LRRIQ4: variants seen among roughly 807,000 people sequenced by gnomAD.
LRRIQ4 encodes leucine-rich repeat and IQ domain-containing protein 4.
A neutral mutation model predicts 40.1 loss-of-function variants in LRRIQ4; 21 were observed. That is an observed-to-expected ratio of 0.52 (90% CI 0.37 to 0.75). LRRIQ4 has a LOEUF of 0.75. Ranked by LOEUF, LRRIQ4 falls within the 30% of genes least tolerant of loss-of-function variation. The probability of loss-of-function intolerance (pLI) is 0.00; values close to 1 mark genes in which losing one functional copy is unlikely to be tolerated. For synonymous variants in LRRIQ4, 277 were observed against 277.1 expected, an observed-to-expected ratio of 1.00 and a Z score of 0.00; for missense variants, 655 against 660.0, an observed-to-expected ratio of 0.99 and a Z score of 0.08.
chr3:169,832,887 A>C (rs1327053926), intron 4 of LRRIQ4, 100 bp from the exon 5 acceptor site: 1 of 1,038,996 alleles, frequency 9.6e-7, no homozygotes, highest in Non-Finnish European at 1.4e-6. Context: ...TCCCTTTGCA[A>C]ATGCAGAATT....
At chr3:169,825,364 T>G (rs1225227724) in intron 2 of LRRIQ4, among the ~76,000 whole-genome samples, 1 of 152,212 alleles carries the variant, frequency 6.6e-6, no homozygotes, top group Non-Finnish European at 1.5e-5. Context: ...CAAATTGCTA[T>G]GGGGTTTTAA....
intron 2 of LRRIQ4, among the ~76,000 whole-genome samples, chr3:169,828,252 A>C (rs1335935922): frequency 6.7e-6 from 1 of 149,908 alleles, no homozygotes; most frequent in Non-Finnish European, 1.5e-5. Context: ...TTTTTTTTTG[A>C]GACAGATTCT....
intron 4 of LRRIQ4, among the ~76,000 whole-genome samples, chr3:169,831,261 CTTTT>C (rs869088396): frequency 3.0e-5 from 1 of 33,460 alleles, no homozygotes; most frequent in Non-Finnish European, 6.2e-5. Flanking sequence ...TATGGCTATT[CTTTT>C]TTTTTTTTTT....
At position 169,822,797 on chromosome 3, in the gene LRRIQ4, G is replaced by A; in HGVS notation, c.876G>A (p.Leu292=). 2 of 1,613,716 alleles carry A rather than the reference G, an allele frequency of 1.2e-6. No individual in the cohort carries two copies. The highest frequency in any genetic ancestry group is 1.1e-5 in the South Asian group (1 of 91,030). ...TGCTCTACCTGGGAAACACCGGCCT[G>A]CACAGGCTGCGGGGCTCCTTCAGGT... ...LHLLYLGNTG[L]HRLRGSFRCL... The change falls in exon 2 of 6, where the codon CTG becomes CTA. Residue 292 remains leucine, a synonymous_variant. Coordinates refer to ENST00000340806, the MANE Select transcript of LRRIQ4 (RefSeq NM_001080460.3).
chr3:169,829,596 G>C (rs969361996), intron 3 of LRRIQ4, among the ~76,000 whole-genome samples: 3 of 151,668 alleles, frequency 2.0e-5, no homozygotes, highest in African/African-American at 7.3e-5. Flanking sequence ...CCACCTCCCG[G>C]GTTCAAGCGA....
chr3:169,826,519 A>G (rs939271190), intron 2 of LRRIQ4, among the ~76,000 whole-genome samples: 10 of 152,206 alleles, frequency 6.6e-5, no homozygotes, highest in African/African-American at 2.4e-4. Flanking sequence ...TTTTCTATAC[A>G]TCTAGATTTC....
intron 4 of LRRIQ4, 62 bp downstream of exon 4, chr3:169,830,692 A>G: frequency 1.3e-6 from 2 of 1,594,032 alleles, no homozygotes; most frequent in South Asian, 2.2e-5. Flanking sequence ...CCTATGGCAA[A>G]TGGCTTCCTT....
chr3:169,821,126 G>A (rs1012920385), intron 1 of LRRIQ4, among the ~76,000 whole-genome samples: 1 of 152,192 alleles, frequency 6.6e-6, no homozygotes, highest in Admixed American at 6.5e-5. Context: ...TTTAGAAAAG[G>A]TTGGTGCATC....
chr3:169,821,438 C>A (rs989903803), intron 1 of LRRIQ4, among the ~76,000 whole-genome samples: 20 of 151,942 alleles, frequency 1.3e-4, no homozygotes, highest in African/African-American at 3.9e-4. Flanking sequence ...TTGAGACCAG[C>A]CTGGCCAACA....
intron 4 of LRRIQ4, 44 bp from the exon 5 acceptor site, chr3:169,832,943 G>T (rs1396015300): frequency 1.3e-6 from 2 of 1,538,492 alleles, no homozygotes; most frequent in African/African-American, 2.7e-5. Flanking sequence ...AGTTAATATT[G>T]TTTCTTCTAA....
intron 1 of LRRIQ4, among the ~76,000 whole-genome samples, chr3:169,815,727 G>T (rs1231270542): frequency 6.6e-6 from 1 of 152,164 alleles, no homozygotes; most frequent in Non-Finnish European, 1.5e-5. Flanking sequence ...AGATCTTAGA[G>T]AAAAGGTTTT....
intron 2 of LRRIQ4, among the ~76,000 whole-genome samples, chr3:169,826,657 A>T (rs909300418): frequency 2.6e-5 from 4 of 152,202 alleles, no homozygotes; most frequent in Non-Finnish European, 4.4e-5. Flanking sequence ...TTAAGTGAAC[A>T]GCAATAAGAA....
Position 169,822,681 on chromosome 3 carries a change from G to A in LRRIQ4, c.760G>A (p.Ala254Thr). 7 of 1,613,908 alleles carry A rather than the reference G, an allele frequency of 4.3e-6. No homozygotes were observed. Among genetic ancestry groups the A allele is most frequent in the Non-Finnish European group, 5.1e-6 (6 of 1,179,892 alleles). Residue 254 changes from alanine to threonine, a missense_variant, in exon 2 of 6, where the codon GCC becomes ACC. Physicochemically the swap from Ala to Thr is moderately conservative, Grantham distance 58. Coordinates refer to ENST00000340806, the MANE Select transcript of LRRIQ4 (RefSeq NM_001080460.3). ...CCTCCACTCCATCCCGAAGAGCTTC[G>A]CCGAGCTCAGGAAGATGACGGAAAT... ...NLLHSIPKSF[A>T]ELRKMTEIGL... is the part of the protein sequence containing the mutation.
rs1359262734 is a variant in LRRIQ4 at position 169,815,678 on chromosome 3, GAAT to G, written c.-32+2637_-32+2639del. Among the ~76,000 whole-genome samples, 7 of 152,280 alleles carry G rather than the reference GAAT, an allele frequency of 4.6e-5. No individual in the cohort carries two copies. In the East Asian group the frequency reaches 7.7e-4, roughly 17 times the overall value. ...TAGCTAAGACTTCCAGTGCTACACT[GAAT>G]AATAGTGGTTAAAGTGGGCATCCTT... is the stretch of plus-strand genomic sequence containing the variant. On this transcript the variant is annotated intron_variant, in intron 1 of 5. Transcript: ENST00000340806.
At chr3:169,828,328 A>ATGGG (rs1780087447) in intron 2 of LRRIQ4, among the ~76,000 whole-genome samples, 2 of 151,776 alleles carry the variant, frequency 1.3e-5, no homozygotes, top group Admixed American at 1.3e-4. Context: ...TGCCTCCCAC[A>ATGGG]TTCCAGAGAT....
In LRRIQ4 at chr3:169,828,899, T is replaced by C; in HGVS notation, c.1161T>C (p.Leu387=). The change falls in exon 3 of 6, where the codon CTT becomes CTC. Residue 387 remains leucine (L), a synonymous_variant. Coordinates refer to ENST00000340806, the MANE Select transcript of LRRIQ4 (RefSeq NM_001080460.3). ...TTGGGCAAGACCAGGGATTCAAACT[T>C]ACCTATGTGCCAGAACACATTAGGA... ...LYIGQDQGFK[L]TYVPEHIRKL... 6.2e-7 allele frequency: 1 copy of C among 1,613,510 alleles called. No homozygotes were observed. The highest frequency in any genetic ancestry group is 1.1e-5 in the South Asian group (1 of 90,934).
At chr3:169,831,981 A>ATG (rs1780189059) in intron 4 of LRRIQ4, among the ~76,000 whole-genome samples, 2 of 150,160 alleles carry the variant, frequency 1.3e-5, no homozygotes, top group Non-Finnish European at 2.9e-5. Context: ...AAGTTAAAAA[A>ATG]TTTAAAAAAA....
At position 169,837,490 on chromosome 3, in the gene LRRIQ4, G is replaced by A. The variant is rs1297327966; in HGVS notation, c.1542G>A (p.Trp514Ter). 29 of 1,606,332 alleles carry A rather than the reference G, an allele frequency of 1.8e-5. No homozygotes were observed. The highest frequency in any genetic ancestry group is 2.5e-5 in the Non-Finnish European group (29 of 1,178,028). ...TATCTTGTTTTCAGATTCAGGCATGGTGGCGTGGAACAATGGTACAGAGAG... is the reference window on the plus strand; with the variant it reads ...TATCTTGTTTTCAGATTCAGGCATGATGGCGTGGAACAATGGTACAGAGAG... Reference protein sequence around the residue: ...RNIMATKIQAWWRGTMVQRGF... With the variant: ...RNIMATKIQA Residue 514 changes from tryptophan (W) to a stop codon, truncating the protein, a stop_gained, in exon 6 of 6, where the codon TGG becomes TGA. Coordinates refer to ENST00000340806, the MANE Select transcript of LRRIQ4 (RefSeq NM_001080460.3). LOFTEE classifies it high-confidence loss of function.
chr3:169,822,364 G>C lies in LRRIQ4; in HGVS notation c.443G>C (p.Gly148Ala). 6.2e-7 allele frequency: 1 copy of C among 1,613,122 alleles called. No individual in the cohort carries two copies. Among genetic ancestry groups the C allele is most frequent in the East Asian group, 2.2e-5 (1 of 44,886 alleles). Residue 148 changes from glycine (G) to alanine (A), a missense_variant, in exon 2 of 6, where the codon GGA becomes GCA. Physicochemically the swap from Gly to Ala is moderately conservative, Grantham distance 60. Coordinates refer to ENST00000340806, the MANE Select transcript of LRRIQ4 (RefSeq NM_001080460.3). The stretch of plus-strand genomic sequence containing the variant: ...AACCTCCACCATCTCGAGCTGCTCG[G>C]ACTGACCGGAAACCACCTGAAATGT... ...FKNLHHLELL[G>A]LTGNHLKCLP...
Sources: gnomAD v4.1 joint callset for allele counts (sites outside exome capture counted in the v4.1 genomes callset) on GRCh38, gnomAD v4.1.1 for gene constraint, MANE v1.5 for transcripts, NCBI Gene and HGNC (gene_info 2026-07-23, HGNC 2026-07-21) for gene names.